DCHS2: variants seen among roughly 807,000 people sequenced by gnomAD.
The protein encoded by DCHS2 is protocadherin-23.
A neutral mutation model predicts 182.4 loss-of-function variants in DCHS2; 142 were observed. The observed-to-expected ratio is 0.78, with a 90% CI of 0.68 to 0.89. The LOEUF is 0.89. DCHS2 is among the 40% of genes least tolerant of loss of function. The pLI is 0.00. For synonymous variants in DCHS2, 1,740 were observed against 1,663.3 expected (o/e 1.05, Z -1.12); for missense variants, 4,319 against 4,198.6 (o/e 1.03, Z -0.79).
intron 13 of DCHS2, among the ~76,000 whole-genome samples, chr4:154,287,999 A>G (rs1157804181): frequency 6.6e-6 from 1 of 152,220 alleles, no homozygotes; most frequent in African/African-American, 2.4e-5. Flanking sequence ...AGTCAGGAAG[A>G]TAAGAAAAAG....
chr4:154,462,695 T>G (rs1049841166), intron 1 of DCHS2, among the ~76,000 whole-genome samples: 1 of 152,200 alleles, frequency 6.6e-6, no homozygotes, highest in Non-Finnish European at 1.5e-5. Flanking sequence ...TTAGCAACTT[T>G]AATACATATA....
At chr4:154,268,319 C>T (rs1733402121) in intron 14 of DCHS2, among the ~76,000 whole-genome samples, 1 of 151,822 alleles carries the variant, frequency 6.6e-6, no homozygotes. Flanking sequence ...GCTTTGGGGC[C>T]ATTATTAAGT....
chr4:154,249,704 A>G (rs1276523408), intron 16 of DCHS2, among the ~76,000 whole-genome samples: 1 of 152,214 alleles, frequency 6.6e-6, no homozygotes, highest in Non-Finnish European at 1.5e-5. Context: ...AATGTGATCT[A>G]TGCAGCCATA....
chr4:154,312,868 A>G (rs56011516), intron 10 of DCHS2, among the ~76,000 whole-genome samples: 1 of 152,048 alleles, frequency 6.6e-6, no homozygotes, highest in African/African-American at 2.4e-5. Flanking sequence ...TAAAGCTATC[A>G]GCCCAGTGGA....
intron 10 of DCHS2, among the ~76,000 whole-genome samples, chr4:154,312,589 G>A (rs968963969): frequency 1.3e-5 from 2 of 151,988 alleles, no homozygotes; most frequent in African/African-American, 4.8e-5. Context: ...AAAGGATCAG[G>A]GATATGTTCT....
chr4:154,290,045 TAA>T (rs1041063155), intron 13 of DCHS2, among the ~76,000 whole-genome samples: 10 of 152,056 alleles, frequency 6.6e-5, no homozygotes, highest in African/African-American at 2.4e-4. Flanking sequence ...TGGAAAAACC[TAA>T]AGACTCCTCC....
chr4:154,323,846 A>G (rs955001687), intron 7 of DCHS2, among the ~76,000 whole-genome samples: 2 of 150,756 alleles, frequency 1.3e-5, no homozygotes, highest in Admixed American at 1.3e-4. Context: ...GTATATGCAA[A>G]TATCCCTCCC....
At chr4:154,354,827 T>C (rs1729783987) in intron 3 of DCHS2, 1 of 152,166 alleles carries the variant, frequency 6.6e-6, no homozygotes, top group African/African-American at 2.4e-5. Context: ...CCTGCTGTCA[T>C]GAATGCATGA....
chr4:154,426,305 G>A (rs1200208237), intron 1 of DCHS2, among the ~76,000 whole-genome samples: 1 of 152,188 alleles, frequency 6.6e-6, no homozygotes, highest in African/African-American at 2.4e-5. Flanking sequence ...GACAGTGTAA[G>A]GCTGTAGTGA....
At chr4:154,459,897 T>A (rs550440532) in intron 1 of DCHS2, among the ~76,000 whole-genome samples, 1 of 152,208 alleles carries the variant, frequency 6.6e-6, no homozygotes, top group Non-Finnish European at 1.5e-5. Context: ...CAACAAGTAC[T>A]AATCTAATAC....
At chr4:154,242,385 TG>T (rs1325060104) in intron 17 of DCHS2, among the ~76,000 whole-genome samples, 2 of 152,188 alleles carry the variant, frequency 1.3e-5, no homozygotes, top group Non-Finnish European at 2.9e-5. Context: ...TTGTAGGAAA[TG>T]TCTGCATTAT....
intron 3 of DCHS2, among the ~76,000 whole-genome samples, chr4:154,365,230 G>A (rs1730294347): frequency 6.6e-6 from 1 of 151,842 alleles, no homozygotes; most frequent in Non-Finnish European, 1.5e-5. Flanking sequence ...GGGAATGCCA[G>A]ACCTAGTACA....
chr4:154,325,140 T>A (rs1736227186), intron 7 of DCHS2, among the ~76,000 whole-genome samples: 1 of 152,152 alleles, frequency 6.6e-6, no homozygotes, highest in Non-Finnish European at 1.5e-5. Flanking sequence ...TGGCAGAGTA[T>A]GAATAAAGGA....
chr4:154,264,586 G>A (rs1276366355), intron 14 of DCHS2, among the ~76,000 whole-genome samples: 1 of 152,184 alleles, frequency 6.6e-6, no homozygotes, highest in Non-Finnish European at 1.5e-5. Flanking sequence ...TCAACAGCTA[G>A]CTTCTTAATG....
At chr4:154,384,283 C>T in intron 1 of DCHS2, 4 of 1,542,064 alleles carry the variant, frequency 2.6e-6, no homozygotes, top group East Asian at 2.3e-5. Flanking sequence ...GTTCACACAG[C>T]TAGTCATTGC....
intron 13 of DCHS2, among the ~76,000 whole-genome samples, chr4:154,282,491 T>C (rs1734192045): frequency 6.6e-6 from 1 of 151,104 alleles, no homozygotes; most frequent in Non-Finnish European, 1.5e-5. Flanking sequence ...GCATTTATTT[T>C]ATATCAAAAA....
chr4:154,421,454 G>T (rs1253233973), intron 1 of DCHS2, among the ~76,000 whole-genome samples: 5 of 151,994 alleles, frequency 3.3e-5, no homozygotes, highest in Non-Finnish European at 5.9e-5. Context: ...GAGTGCAATG[G>T]CATGATCCCG....
chr4:154,291,229 A>G (rs942869831), intron 13 of DCHS2, among the ~76,000 whole-genome samples: 6 of 152,082 alleles, frequency 3.9e-5, no homozygotes, highest in African/African-American at 1.4e-4. Flanking sequence ...AAATCAAAAA[A>G]CTACAGTGAA....
intron 13 of DCHS2, among the ~76,000 whole-genome samples, chr4:154,278,471 CA>C (rs144490752): frequency 6.6e-6 from 1 of 151,684 alleles, no homozygotes; most frequent in Non-Finnish European, 1.5e-5. Context: ...GAAACAATGG[CA>C]AAAAAGTCCC....
Sources: allele counts gnomAD v4.1 joint callset (sites outside exome capture counted in the v4.1 genomes callset), GRCh38; gene constraint gnomAD v4.1.1; transcripts MANE v1.5; gene names NCBI Gene and HGNC (gene_info 2026-07-23, HGNC 2026-07-21).